PRR14: variants seen among roughly 807,000 people sequenced by gnomAD.
PRR14 encodes proline rich 14.
PRR14 carries 33 observed loss-of-function variants against 57.2 expected under a neutral mutation model. That is an observed-to-expected ratio of 0.58 (90% CI 0.44 to 0.77). PRR14 has a LOEUF of 0.77. Among genes scored for constraint, PRR14 ranks in the 30% least tolerant of loss-of-function variants. The probability of loss-of-function intolerance (pLI) is 0.00; values close to 1 mark genes in which losing one functional copy is unlikely to be tolerated. For synonymous variants in PRR14, 303 were observed against 314.7 expected (o/e 0.96, Z 0.39); for missense variants, 716 against 788.1 (o/e 0.91, Z 1.10).
Position 30,653,450 on chromosome 16 carries a change from C to T in PRR14, c.548+42C>T, listed in dbSNP as rs1343468846. 8.2e-6 allele frequency: 13 copies of T among 1,585,788 alleles called. No individual in the cohort carries two copies. The Admixed American group carries it at 8.3e-5, about 10-fold the overall frequency. On this transcript the variant is annotated intron_variant, in intron 6 of 11. Coordinates refer to ENST00000300835, the MANE Select transcript of PRR14 (RefSeq NM_024031.5). ...AGGGATTATCAAAGGATCCAGGCAA[C>T]AGCCATCATCCAGGTAGCCAGAGCT... is the stretch of plus-strand genomic sequence containing the variant.
Position 30,654,892 on chromosome 16 carries a change from C to G in PRR14, c.922C>G (p.Pro308Ala). Residue 308 changes from proline to alanine, a missense_variant, in exon 8 of 12, where the codon CCA becomes GCA. Physicochemically the swap from Pro to Ala is conservative, Grantham distance 27 (BLOSUM62 -1). Transcript: ENST00000300835. ...CACTGCGTCTGTCAGCCCCCGGCCC[C>G]CAATCCGCCAGTGGCGAACTCAGGA... ...EGTASVSPRP[P>A]IRQWRTQDHN... is the part of the protein sequence containing the mutation. 6.2e-7 allele frequency: 1 copy of G among 1,611,836 alleles called. No individual in the cohort carries two copies. The highest frequency in any genetic ancestry group is 8.5e-7 in the Non-Finnish European group (1 of 1,178,780).
intron 6 of PRR14, chr16:30,653,995 G>A (rs1331082973): frequency 2.0e-6 from 1 of 499,928 alleles, no homozygotes; most frequent in Non-Finnish European, 3.6e-6. Context: ...TGGATGTGGT[G>A]GTCCATGCAT....
chr16:30,654,128 CAAAAA>C, intron 6 of PRR14, 97 bp from the exon 7 acceptor site: 2 of 676,932 alleles, frequency 3.0e-6, no homozygotes, highest in Non-Finnish European at 2.5e-6. Flanking sequence ...GGCTCTGTCT[CAAAAA>C]AAAAAAAAAA....
chr16:30,650,949 C>G (rs1424985630), upstream of PRR14: 7 of 440,684 alleles, frequency 1.6e-5, no homozygotes, highest in Admixed American at 9.5e-5. Flanking sequence ...CGTCTGTGGG[C>G]GGGACCTCCC....
chr16:30,654,897 C>G lies in PRR14; in HGVS notation c.927C>G (p.Ile309Met). The G allele has an allele frequency of 6.2e-7, 1 of 1,611,976 alleles. No individual in the cohort carries two copies. The highest frequency in any genetic ancestry group is 8.5e-7 in the Non-Finnish European group (1 of 1,178,980). Residue 309 changes from isoleucine to methionine, a missense_variant, in exon 8 of 12, where the codon ATC becomes ATG. Ile to Met is a conservative substitution (Grantham distance 10). Coordinates refer to ENST00000300835, the MANE Select transcript of PRR14 (RefSeq NM_024031.5). ...GTASVSPRPP[I>M]RQWRTQDHNT... ...CGTCTGTCAGCCCCCGGCCCCCAATCCGCCAGTGGCGAACTCAGGACCACA... is the reference window on the plus strand; with the variant it reads ...CGTCTGTCAGCCCCCGGCCCCCAATGCGCCAGTGGCGAACTCAGGACCACA...
At position 30,651,619 on chromosome 16, in the gene PRR14, G is replaced by A; in HGVS notation, c.-27G>A. On this transcript the variant is annotated 5_prime_UTR_variant, in exon 2 of 12. Transcript: ENST00000300835. The surrounding 1 kb of genome is among the most constrained non-coding windows in gnomAD (Gnocchi z 5.0). Reference sequence around the variant, plus strand: ...AGGCCGCAGCCTGGGATTCCCCAGGGACCCCCCCGGAGCCGCCGCGTCTCC... The same window carrying A: ...AGGCCGCAGCCTGGGATTCCCCAGGAACCCCCCCGGAGCCGCCGCGTCTCC... 1 of 1,580,708 alleles carries A rather than the reference G, an allele frequency of 6.3e-7. No individual in the cohort carries two copies. Among genetic ancestry groups the A allele is most frequent in the Non-Finnish European group, 8.6e-7 (1 of 1,163,178 alleles).
intron 6 of PRR14, 107 bp downstream of exon 6, chr16:30,653,515 C>A: frequency 2.4e-6 from 3 of 1,243,880 alleles, no homozygotes; most frequent in Admixed American, 1.8e-5. Context: ...TTCCTTGTGG[C>A]ATCTTAAAAA....
chr16:30,653,037 C>T lies in PRR14; in HGVS notation c.438C>T (p.Asp146=), dbSNP rs1479511458. Residue 146 remains aspartate, a synonymous_variant, in exon 5 of 12, where the codon GAC becomes GAT. Transcript: ENST00000300835. The part of the protein sequence containing the change: ...GPEEGPSQKV[D]RAPQPTLVVM... ...AGGAGGGCCCTTCACAAAAGGTGGA[C>T]CGGGCCCCCCAGCCCACCCTGGTGG... 1 of 1,613,818 alleles carries T rather than the reference C, an allele frequency of 6.2e-7. No individual in the cohort carries two copies. Among genetic ancestry groups the T allele is most frequent in the African/African-American group, 1.3e-5 (1 of 74,908 alleles).
upstream of PRR14, chr16:30,650,817 C>G (rs570133105): frequency 3.2e-6 from 1 of 312,276 alleles, no homozygotes; most frequent in Non-Finnish European, 6.8e-6. Context: ...GTGAGCAGCC[C>G]TTGGGGGAGG....
chr16:30,654,986 C>G lies in PRR14; in HGVS notation c.1016C>G (p.Pro339Arg). The change falls in exon 8 of 12, where the codon CCC becomes CGC. Residue 339 changes from proline (P) to arginine (R), a missense_variant. By Grantham distance (103) the Pro-to-Arg change is moderately radical. Coordinates refer to ENST00000300835, the MANE Select transcript of PRR14 (RefSeq NM_024031.5). The part of the protein sequence containing the change: ...GRSYSCPDLG[P>R]PGPGTCTWPP... ...AGCTACTCCTGCCCTGATCTGGGGC[C>G]CCCTGGCCCAGGTACCTGCACCTGG... is the stretch of plus-strand genomic sequence containing the variant. 3 of 1,610,868 alleles carry G rather than the reference C, an allele frequency of 1.9e-6. No homozygotes were observed. The highest frequency in any genetic ancestry group is 2.5e-6 in the Non-Finnish European group (3 of 1,179,974).
intron 3 of PRR14, chr16:30,652,255 G>C (rs1474998350): frequency 1.7e-6 from 1 of 595,876 alleles, no homozygotes; most frequent in Admixed American, 2.3e-5. Flanking sequence ...TTAGAGACAG[G>C]GTCTTGCTAT....
intron 3 of PRR14, 138 bp from the exon 4 acceptor site, chr16:30,652,583 T>G (rs112661797): frequency 3.7e-6 from 4 of 1,076,382 alleles, no homozygotes; most frequent in African/African-American, 3.1e-5. Context: ...CCAATTCATC[T>G]CTTCTCTTGG....
rs183874516 is a variant in PRR14 at position 30,651,002 on chromosome 16, G to T, written c.-176G>T. ...GGTATCTGCTTGACAGTGGATCCCTGGGGATCTACGCTGAGTTCGGAGATG... is the reference window on the plus strand; with the variant it reads ...GGTATCTGCTTGACAGTGGATCCCTTGGGATCTACGCTGAGTTCGGAGATG... On this transcript the variant is annotated 5_prime_UTR_variant, in exon 1 of 12. Coordinates refer to ENST00000300835, the MANE Select transcript of PRR14 (RefSeq NM_024031.5). The surrounding 1 kb of genome is among the most constrained non-coding windows in gnomAD (Gnocchi z 5.0). 1.3e-5 allele frequency: 6 copies of T among 456,172 alleles called. No individual in the cohort carries two copies. The highest frequency in any genetic ancestry group is 2.3e-5 in the Admixed American group (1 of 42,574). The allele number at this position is 456,172 out of a possible 1,614,324, so 28.3% of individuals were successfully genotyped here.
rs1446668087 is a variant in PRR14, at chr16:30,655,674, C to T, written c.1406+81C>T. The stretch of plus-strand genomic sequence containing the variant: ...CCCCTGAAGTATAGCTTTGTCTCCC[C>T]TCAGGGAGCACAGTCCAGCCTGAAA... On this transcript the variant is annotated intron_variant, in intron 10 of 11. Coordinates refer to ENST00000300835, the MANE Select transcript of PRR14 (RefSeq NM_024031.5). This position sits in a 1 kb window ranked among gnomAD's most constrained non-coding sequence, Gnocchi z 4.6. The T allele has an allele frequency of 7.1e-7, 1 of 1,405,424 alleles. No homozygotes were observed. The highest frequency in any genetic ancestry group is 1.0e-6 in the Non-Finnish European group (1 of 996,646). The allele number at this position is 1,405,424 out of a possible 1,614,324, so 87.1% of individuals were successfully genotyped here.
In PRR14 at chr16:30,656,079, T is replaced by A. The variant is rs2052369101; in HGVS notation, c.1526T>A (p.Leu509Gln). ...GAACCCCGGGAGCGCAATGGGACTC[T>A]GATTTTCACCAGCTCAAGGAAGCTC... ...FEEPRERNGT[L>Q]IFTSSRKLRR... The change falls in exon 12 of 12, where the codon CTG (leucine) becomes CAG (glutamine). Residue 509 changes from leucine to glutamine, a missense_variant. By Grantham distance (113) the Leu-to-Gln change is moderately radical. Transcript: ENST00000300835. 6.4e-7 allele frequency: 1 copy of A among 1,552,908 alleles called. No individual in the cohort carries two copies. Among genetic ancestry groups the A allele is most frequent in the Non-Finnish European group, 8.7e-7 (1 of 1,151,952 alleles).
intron 3 of PRR14, chr16:30,652,328 T>A: frequency 1.8e-6 from 1 of 568,910 alleles, no homozygotes; most frequent in Non-Finnish European, 3.3e-6. Flanking sequence ...CCCAAAGTAT[T>A]GGGATTACAG....
rs2052335300 is a variant in PRR14 at position 30,653,543 on chromosome 16, A to T, written c.548+135A>T. The stretch of plus-strand genomic sequence containing the variant: ...CTTAAAAAGCCTTAAGGGGCCGGGC[A>T]CGCCCATGCCTAATGCCAGCACTTT... On this transcript the variant is annotated intron_variant, in intron 6 of 11. Transcript: ENST00000300835. The T allele has an allele frequency of 3.3e-6, 3 of 915,578 alleles. No individual in the cohort carries two copies. In the East Asian group the frequency reaches 7.6e-5, roughly 23 times the overall value. The allele number at this position is 915,578 out of a possible 1,614,324, so 56.7% of individuals were successfully genotyped here.
At chr16:30,652,067 ATTG>A (rs1428257099) in intron 3 of PRR14, 103 bp downstream of exon 3, 12 of 1,290,326 alleles carry the variant, frequency 9.3e-6, no homozygotes, top group African/African-American at 3.0e-5. Flanking sequence ...CAAATCCATC[ATTG>A]TTGTACTCAG....
chr16:30,654,828 C>T lies in PRR14; in HGVS notation c.858C>T (p.Ile286=), dbSNP rs201116615. The part of the protein sequence containing the change: ...PSPPMKLELK[I]AISEAEQSGA... ...CCCCAATGAAGCTGGAGTTGAAGAT[C>T]GCCATCTCAGAGGCCGAGCAGTCTG... Residue 286 remains isoleucine (I), a synonymous_variant, in exon 8 of 12, where the codon ATC becomes ATT. Coordinates refer to ENST00000300835, the MANE Select transcript of PRR14 (RefSeq NM_024031.5). The T allele has an allele frequency of 7.9e-5, 102 of 1,283,374 alleles. No individual in the cohort carries two copies. The highest frequency in any genetic ancestry group is 4.4e-4 in the African/African-American group (28 of 63,700). 79.5% of individuals were successfully genotyped at this position (1,283,374 alleles called of 1,614,324 possible).
Sources: allele counts gnomAD v4.1 joint callset, GRCh38; gene constraint gnomAD v4.1.1; non-coding constraint Gnocchi (gnomAD v3.1); transcripts MANE v1.5; gene names NCBI Gene and HGNC (gene_info 2026-07-23, HGNC 2026-07-21).